Variants in TMEM165 observed in about 807,000 individuals in gnomAD.
The protein encoded by TMEM165 is putative divalent cation/proton antiporter TMEM165.
TMEM165 carries 19 observed loss-of-function variants against 30.0 expected under a neutral mutation model. That is an observed-to-expected ratio of 0.63 (90% CI 0.44 to 0.93). The LOEUF (loss-of-function observed/expected upper bound fraction) is 0.93, where lower values mean the gene tolerates loss of function less well. Among genes scored for constraint, TMEM165 ranks in the 40% least tolerant of loss-of-function variants. The pLI is 0.00. For missense variants in TMEM165, 340 were observed against 417.0 expected (o/e 0.82, Z 1.61); for synonymous variants, 168 against 162.9 (o/e 1.03, Z -0.24).
chr4:55,423,049 C>CCTCTCACCT (rs1722049659), intron 4 of TMEM165: 4 of 151,996 alleles, frequency 2.6e-5, no homozygotes, highest in African/African-American at 9.7e-5. Context: ...CTCAAGTGAT[C>CCTCTCACCT]CTCTCACCTC....
At chr4:55,440,541 C>A (rs1386969474) in intron 3 of TMEM165, among the ~76,000 whole-genome samples, 1 of 152,028 alleles carries the variant, frequency 6.6e-6, no homozygotes, top group Non-Finnish European at 1.5e-5. Flanking sequence ...CAGATCTTGA[C>A]AATAAAATAC....
chr4:55,417,769 G>A (rs751152729), intron 3 of TMEM165, 34 bp from the exon 4 acceptor site: 3 of 1,515,474 alleles, frequency 2.0e-6, no homozygotes, highest in African/African-American at 1.4e-5. Flanking sequence ...TTTGCTTCCT[G>A]TGCTTACTTT....
At position 55,417,090 on chromosome 4, in the gene TMEM165, C is replaced by T. The variant is rs1721763099; in HGVS notation, c.452C>T (p.Thr151Ile). 2 of 1,601,352 alleles carry T rather than the reference C, an allele frequency of 1.2e-6. No individual in the cohort carries two copies. The highest frequency in any genetic ancestry group is 2.7e-5 in the African/African-American group (2 of 74,236). Residue 151 changes from threonine to isoleucine, a missense_variant, in exon 3 of 6, where the codon ACC becomes ATC. Physicochemically the swap from Thr to Ile is moderately conservative, Grantham distance 89 (BLOSUM62 -1). Transcript: ENST00000381334. Reference sequence around the variant, plus strand: ...TTTCCAGTTTTGTTTGGCTATGCCACCACAGTCATCCCCAGGGTCTATACA... The same window carrying T: ...TTTCCAGTTTTGTTTGGCTATGCCATCACAGTCATCCCCAGGGTCTATACA... ...TCLSVLFGYA[T>I]TVIPRVYTYY... is the part of the protein sequence containing the mutation.
chr4:55,407,209 G>C (rs1560390001), intron 1 of TMEM165, among the ~76,000 whole-genome samples: 1 of 152,100 alleles, frequency 6.6e-6, no homozygotes, highest in Non-Finnish European at 1.5e-5. Context: ...TGGATGAAGA[G>C]GGGGATAACG....
intron 1 of TMEM165, among the ~76,000 whole-genome samples, chr4:55,402,401 GTGTATATATATATATATATATATA>G (rs1721040863): frequency 2.2e-5 from 1 of 45,406 alleles, no homozygotes. Context: ...GTGTGTGTGT[GTGTATATATATATATATATATATA>G]TATATATATT....
chr4:55,430,481 A>G (rs1722425573), downstream of TMEM165: 1 of 152,210 alleles, frequency 6.6e-6, no homozygotes, highest in African/African-American at 2.4e-5. Context: ...GAACTGTTCA[A>G]CACTGTTTTA....
chr4:55,427,053 T>A (rs74778300), downstream of TMEM165, among the ~76,000 whole-genome samples: 48,613 of 143,550 alleles, frequency 0.34, 9,202 homozygotes, highest in African/African-American at 0.5. Context: ...TTTTTTTTTT[T>A]GAGAGAGTCT....
chr4:55,446,691 A>C (rs1181710997), intron 3 of TMEM165, among the ~76,000 whole-genome samples: 1 of 152,216 alleles, frequency 6.6e-6, no homozygotes, highest in Non-Finnish European at 1.5e-5. Flanking sequence ...TCTTCTGCTT[A>C]TAATTTACCC....
chr4:55,403,778 A>G (rs1028655758), intron 1 of TMEM165, among the ~76,000 whole-genome samples: 3 of 152,162 alleles, frequency 2.0e-5, no homozygotes, highest in Non-Finnish European at 4.4e-5. Flanking sequence ...GCATCCAAGT[A>G]TATTCTTCTG....
At chr4:55,400,299 AT>A (rs1306657107) in intron 1 of TMEM165, among the ~76,000 whole-genome samples, 9 of 105,630 alleles carry the variant, frequency 8.5e-5, no homozygotes, top group African/African-American at 2.7e-4. Flanking sequence ...TATATATAAT[AT>A]TATATATAAT....
chr4:55,399,057 A>G (rs1236343268), intron 1 of TMEM165: 1 of 152,190 alleles, frequency 6.6e-6, no homozygotes, highest in African/African-American at 2.4e-5. Context: ...TCAGCTGACT[A>G]TATAGTTAAT....
intron 1 of TMEM165, among the ~76,000 whole-genome samples, chr4:55,397,907 TTTA>T (rs1414728392): frequency 9.0e-5 from 8 of 88,466 alleles, no homozygotes; most frequent in South Asian, 1.3e-3. Flanking sequence ...CTAATTTTTG[TTTA>T]TTTTTTTTTT....
intron 3 of TMEM165, chr4:55,431,448 C>G (rs1213272768): frequency 1.3e-5 from 2 of 152,202 alleles, no homozygotes; most frequent in Non-Finnish European, 2.9e-5. Context: ...AAAGCTCACC[C>G]AATCCAAACT....
At chr4:55,400,296 AATAT>A in intron 1 of TMEM165, among the ~76,000 whole-genome samples, 1 of 103,600 alleles carries the variant, frequency 9.7e-6, no homozygotes, top group Non-Finnish European at 1.8e-5. Flanking sequence ...TATTATATAT[AATAT>A]TATATATAAT....
At chr4:55,438,962 A>G (rs975668701) in intron 3 of TMEM165, among the ~76,000 whole-genome samples, 4 of 152,234 alleles carry the variant, frequency 2.6e-5, no homozygotes, top group African/African-American at 9.6e-5. Flanking sequence ...TTTCTTGGAT[A>G]TGATACCAAA....
At chr4:55,450,375 A>G (rs1250778777) in intron 3 of TMEM165, 2 of 890,362 alleles carry the variant, frequency 2.2e-6, no homozygotes, top group Admixed American at 2.2e-5. Context: ...CATGTAAAGA[A>G]ATGAAAATTT....
rs548381906 is a variant in TMEM165, at chr4:55,425,688, A to G, written c.*236A>G. 56 of 403,460 alleles carry G rather than the reference A, an allele frequency of 1.4e-4. No individual in the cohort carries two copies. The highest frequency in any genetic ancestry group is 6.9e-4 in the Middle Eastern group (1 of 1,452). The allele number at this position is 403,460 out of a possible 1,614,324, so 25.0% of individuals were successfully genotyped here. On this transcript the variant is annotated 3_prime_UTR_variant, in exon 6 of 6. Transcript: ENST00000381334. Reference sequence around the variant, plus strand: ...TCTTCTCTCCAACATAATTATGTTAATATGGTCCTCATTTTTCTTTTGGTG... The same window carrying G: ...TCTTCTCTCCAACATAATTATGTTAGTATGGTCCTCATTTTTCTTTTGGTG...
At chr4:55,438,326 G>A in intron 3 of TMEM165, 1 of 1,614,102 alleles carries the variant, frequency 6.2e-7, no homozygotes, top group Non-Finnish European at 8.5e-7. Flanking sequence ...GCCTGAGATG[G>A]TTGCTGAACT....
At chr4:55,424,880 T>C in intron 5 of TMEM165, 1 of 478,942 alleles carries the variant, frequency 2.1e-6, no homozygotes, top group Non-Finnish European at 3.7e-6. Flanking sequence ...CTTGTTAACA[T>C]ATTATCTTAG....
Sources: gnomAD v4.1 joint callset for allele counts (sites outside exome capture counted in the v4.1 genomes callset) on GRCh38, gnomAD v4.1.1 for gene constraint, MANE v1.5 for transcripts, NCBI Gene and HGNC (gene_info 2026-07-23, HGNC 2026-07-21) for gene names.